HOXC4: variants seen among roughly 807,000 people sequenced by gnomAD.
HOXC4 encodes the protein homeobox protein Hox-C4.
A neutral mutation model predicts 25.5 loss-of-function variants in HOXC4; 15 were observed. That is an observed-to-expected ratio of 0.59 (90% CI 0.39 to 0.91). HOXC4 has a LOEUF of 0.91. Ranked by LOEUF, HOXC4 falls within the 40% of genes least tolerant of loss-of-function variation. HOXC4 has a pLI of 0.00. For missense variants in HOXC4, 342 were observed against 352.4 expected (o/e 0.97, Z 0.24); for synonymous variants, 165 against 148.0 (o/e 1.11, Z -0.83).
chr12:54,023,991 A>G (rs1176214694), intron 1 of HOXC4, among the ~76,000 whole-genome samples: 1 of 152,220 alleles, frequency 6.6e-6, no homozygotes, highest in East Asian at 1.9e-4. Context: ...TACACAAAAC[A>G]CCAGGCATTT....
At position 54,032,133 on chromosome 12, in the gene HOXC4, C is replaced by T. The variant is rs374248590; in HGVS notation, c.-124+14719C>T. ...CAGGGAAACAGAGCAGTCCTCTAGA[C>T]CATTGTCTGGCTCTGTCCGTGTCCA... On this transcript the variant is annotated intron_variant, in intron 1 of 3. Coordinates refer to the HOXC4 transcript ENST00000303406. Among the ~76,000 whole-genome samples, 12 of 152,336 alleles carry T rather than the reference C, an allele frequency of 7.9e-5. 1 individual carries two copies. Among genetic ancestry groups the T allele is most frequent in the African/African-American group, 2.6e-4 (11 of 41,576 alleles).
intron 1 of HOXC4, among the ~76,000 whole-genome samples, chr12:54,039,340 CAG>C (rs1941234591): frequency 6.6e-6 from 1 of 152,118 alleles, no homozygotes; most frequent in African/African-American, 2.4e-5. Context: ...GAGAAGCAGG[CAG>C]ACTCTGGGAG....
intron 1 of HOXC4, among the ~76,000 whole-genome samples, chr12:54,047,399 T>A (rs1937740217): frequency 6.6e-6 from 1 of 152,136 alleles, no homozygotes; most frequent in South Asian, 2.1e-4. Flanking sequence ...GCAGGACCAT[T>A]TCGTTGGAAT....
intron 1 of HOXC4, among the ~76,000 whole-genome samples, chr12:54,046,069 G>T (rs1214519256): frequency 1.3e-5 from 2 of 152,096 alleles, no homozygotes; most frequent in Admixed American, 1.3e-4. Context: ...CCTTTGAAAT[G>T]TGGGGGAAAA....
At chr12:54,034,596 G>A in intron 1 of HOXC4, 1 of 915,246 alleles carries the variant, frequency 1.1e-6, no homozygotes, top group South Asian at 1.6e-5. Context: ...GGCAGGTGCT[G>A]GAGCACTGGG....
intron 1 of HOXC4, among the ~76,000 whole-genome samples, chr12:54,024,206 C>T (rs1383149150): frequency 2.0e-5 from 3 of 151,952 alleles, no homozygotes; most frequent in Non-Finnish European, 4.4e-5. Flanking sequence ...GCGGGGCAAC[C>T]GTTCTTCTCT....
chr12:54,034,192 G>C, intron 1 of HOXC4: 4 of 1,288,510 alleles, frequency 3.1e-6, no homozygotes, highest in Non-Finnish European at 4.5e-6. Context: ...CTCCGGCCGC[G>C]GGTGGGGGCC....
chr12:54,041,961 C>T (rs924278040), intron 1 of HOXC4, among the ~76,000 whole-genome samples: 2 of 148,878 alleles, frequency 1.3e-5, no homozygotes, highest in African/African-American at 5.0e-5. Flanking sequence ...CCGCGCCCAG[C>T]CTTTTCTTTT....
At chr12:54,024,668 C>A (rs999317779) in intron 1 of HOXC4, among the ~76,000 whole-genome samples, 3 of 152,146 alleles carry the variant, frequency 2.0e-5, no homozygotes, top group African/African-American at 4.8e-5. Context: ...CCAGTCCCAC[C>A]CACCCTTTCC....
At chr12:54,019,354 G>A (rs979552063) in intron 1 of HOXC4, among the ~76,000 whole-genome samples, 22 of 152,198 alleles carry the variant, frequency 1.4e-4, no homozygotes, top group African/African-American at 5.3e-4. Context: ...AGTGGCTGAT[G>A]CCCCGCGGAT....
At chr12:54,043,375 T>C (rs1260842418) in intron 1 of HOXC4, among the ~76,000 whole-genome samples, 1 of 152,220 alleles carries the variant, frequency 6.6e-6, no homozygotes, top group Non-Finnish European at 1.5e-5. Flanking sequence ...GGCTTGGTTC[T>C]GCCCTCTAAA....
chr12:54,036,430 A>T (rs927699835), intron 1 of HOXC4, among the ~76,000 whole-genome samples: 1 of 152,092 alleles, frequency 6.6e-6, no homozygotes, highest in Non-Finnish European at 1.5e-5. Context: ...ATTAATGCTG[A>T]TGCTCCTTGG....
upstream of HOXC4, among the ~76,000 whole-genome samples, chr12:54,050,094 A>G (rs1937810434): frequency 6.6e-6 from 1 of 152,124 alleles, no homozygotes; most frequent in Admixed American, 6.5e-5. Context: ...CCTTGGAAAA[A>G]TCAGAGAGGG....
At chr12:54,043,918 C>CTGTG (rs71444829) in intron 1 of HOXC4, among the ~76,000 whole-genome samples, 2,805 of 127,298 alleles carry the variant, frequency 0.022, 25 homozygotes, top group Middle Eastern at 0.058. Context: ...AAAACACAGG[C>CTGTG]TGTGTGTGTG....
chr12:54,033,486 C>G, intron 1 of HOXC4: 2 of 1,592,526 alleles, frequency 1.3e-6, no homozygotes, highest in Non-Finnish European at 1.7e-6. Context: ...CAAAGAGGAG[C>G]AGGCGCAGAC....
intron 1 of HOXC4, among the ~76,000 whole-genome samples, chr12:54,031,059 G>A (rs1209266600): frequency 6.6e-6 from 1 of 152,276 alleles, no homozygotes; most frequent in Non-Finnish European, 1.5e-5. Flanking sequence ...GCGGGAAAAA[G>A]CCGCGTAGGA....
rs780385728 is a variant in HOXC4 at position 54,033,938 on chromosome 12, G to T, written c.-124+16524G>T. 47 of 497,268 alleles carry T rather than the reference G, an allele frequency of 9.5e-5. 1 individual carries two copies. The East Asian group carries it at 2.0e-3, about 21-fold the overall frequency. 30.8% of individuals were successfully genotyped at this position (497,268 alleles called of 1,614,324 possible). ...CTCCGCCGGCGCTTGCGGCTCCGGAGGATTCCAGCGACTCGGGAGGGGCGG... is the reference window on the plus strand; with the variant it reads ...CTCCGCCGGCGCTTGCGGCTCCGGATGATTCCAGCGACTCGGGAGGGGCGG... On this transcript the variant is annotated intron_variant, in intron 1 of 3. Coordinates refer to the HOXC4 transcript ENST00000303406.
At chr12:54,034,252 G>A (rs775110904) in intron 1 of HOXC4, 2 of 1,593,936 alleles carry the variant, frequency 1.3e-6, no homozygotes, top group African/African-American at 1.3e-5. Context: ...ACCCCTTCCT[G>A]GCTTGGGGTG....
chr12:54,019,582 G>T (rs1940337729), intron 1 of HOXC4, among the ~76,000 whole-genome samples: 1 of 152,160 alleles, frequency 6.6e-6, no homozygotes, highest in Admixed American at 6.5e-5. Flanking sequence ...GGGAACACAA[G>T]TGTCCTTTGT....
Sources: allele counts gnomAD v4.1 joint callset (sites outside exome capture counted in the v4.1 genomes callset), GRCh38; gene constraint gnomAD v4.1.1; transcripts MANE v1.5; gene names NCBI Gene and HGNC (gene_info 2026-07-23, HGNC 2026-07-21).